The following AGBL3 variants were observed in gnomAD, a reference collection of about 807,000 sequenced individuals.
AGBL3 encodes the protein cytosolic carboxypeptidase 3.
Under a neutral mutation model 94.5 loss-of-function variants are expected in AGBL3, and 68 were observed. The observed-to-expected ratio is 0.72, with a 90% confidence interval of 0.59 to 0.88. The LOEUF is 0.88. Ranked by LOEUF, AGBL3 falls within the 40% of genes least tolerant of loss-of-function variation. The probability of loss-of-function intolerance (pLI) is 0.00; values close to 1 mark genes in which losing one functional copy is unlikely to be tolerated. For synonymous variants in AGBL3, 354 were observed against 370.7 expected (o/e 0.95, Z 0.52); for missense variants, 934 against 1,103.8 (o/e 0.85, Z 2.18).
rs1748655265 is a variant in AGBL3, at chr7:135,015,268, A to G, written c.311-1784A>G. 4.6e-5 allele frequency among the ~76,000 whole-genome samples: 7 copies of G among 152,190 alleles called. No homozygotes were observed. The South Asian group carries it at 1.4e-3, about 32-fold the overall frequency. On this transcript the variant is annotated intron_variant, in intron 4 of 16. Transcript: ENST00000436302. ...GCTTGCTCGAGAGTAGCTTTTTTGCAATGACGATATTGCCAGACATAAAAC... is the reference window on the plus strand; with the variant it reads ...GCTTGCTCGAGAGTAGCTTTTTTGCGATGACGATATTGCCAGACATAAAAC...
intron 5 of AGBL3, among the ~76,000 whole-genome samples, chr7:135,023,392 C>T (rs1814729368): frequency 6.6e-6 from 1 of 152,122 alleles, no homozygotes; most frequent in South Asian, 2.1e-4. Context: ...GGGGCTAGTT[C>T]CTACCCCTGA....
At chr7:135,043,367 G>A (rs1817048048) in intron 8 of AGBL3, among the ~76,000 whole-genome samples, 1 of 152,160 alleles carries the variant, frequency 6.6e-6, no homozygotes, top group Non-Finnish European at 1.5e-5. Context: ...AACTGTGCAT[G>A]TTCTCACTTA....
At chr7:135,094,440 A>C in intron 15 of AGBL3, 1 of 456,676 alleles carries the variant, frequency 2.2e-6, no homozygotes, top group Non-Finnish European at 4.4e-6. Context: ...ATTTTAACAA[A>C]TTGCCAGAGG....
At chr7:135,033,053 GT>G in intron 6 of AGBL3, 71 bp downstream of exon 6, 1 of 1,381,216 alleles carries the variant, frequency 7.2e-7, no homozygotes, top group Non-Finnish European at 9.6e-7. Flanking sequence ...GTACATTAAA[GT>G]TCTTAGTATC....
intron 5 of AGBL3, among the ~76,000 whole-genome samples, chr7:135,017,966 T>A (rs1375154952): frequency 6.6e-6 from 1 of 152,202 alleles, no homozygotes; most frequent in Non-Finnish European, 1.5e-5. Context: ...ATAACTGAAA[T>A]GAGATCTGAT....
chr7:135,027,514 T>A (rs1480645118), intron 5 of AGBL3, among the ~76,000 whole-genome samples: 1 of 151,660 alleles, frequency 6.6e-6, no homozygotes, highest in Non-Finnish European at 1.5e-5. Context: ...TCTGGCATCA[T>A]TGTTTTTTTA....
chr7:135,125,934 A>G (rs1274045457), intron 16 of AGBL3, among the ~76,000 whole-genome samples: 1 of 152,222 alleles, frequency 6.6e-6, no homozygotes, highest in Non-Finnish European at 1.5e-5. Flanking sequence ...TATAGCCAAT[A>G]TCATATTGAA....
chr7:135,121,676 T>C (rs577700483), intron 16 of AGBL3, among the ~76,000 whole-genome samples: 2 of 151,966 alleles, frequency 1.3e-5, no homozygotes, highest in Non-Finnish European at 1.5e-5. Flanking sequence ...ATTCGGAGGC[T>C]CCCATTGAAA....
intron 4 of AGBL3, among the ~76,000 whole-genome samples, chr7:135,014,153 G>A (rs1035590992): frequency 4.5e-5 from 6 of 134,152 alleles, no homozygotes; most frequent in African/African-American, 1.4e-4. Context: ...CTGAGATCAT[G>A]CCACTGCACT....
At chr7:135,051,739 T>C (rs750492423) in intron 11 of AGBL3, among the ~76,000 whole-genome samples, 2 of 152,148 alleles carry the variant, frequency 1.3e-5, no homozygotes, top group African/African-American at 4.8e-5. Context: ...CCTTCTCTTA[T>C]ACTGAAAAAA....
At chr7:135,017,316 G>A in intron 5 of AGBL3, 157 bp downstream of exon 5, 1 of 606,286 alleles carries the variant, frequency 1.6e-6, no homozygotes, top group Non-Finnish European at 2.9e-6. Flanking sequence ...TGTTGATTTA[G>A]AGCCAGTTAT....
chr7:135,007,193 A>G (rs1452077601), intron 4 of AGBL3, among the ~76,000 whole-genome samples: 1 of 151,914 alleles, frequency 6.6e-6, no homozygotes. Flanking sequence ...ATTCATCGCT[A>G]TGAGGCCAGT....
chr7:135,070,720 G>A (rs545908506), intron 12 of AGBL3, among the ~76,000 whole-genome samples: 26 of 151,310 alleles, frequency 1.7e-4, no homozygotes, highest in African/African-American at 5.6e-4. Context: ...TTGATGGGAC[G>A]TATCTCAAAA....
intron 16 of AGBL3, among the ~76,000 whole-genome samples, chr7:135,126,782 T>C (rs1827934730): frequency 6.6e-6 from 1 of 152,202 alleles, no homozygotes; most frequent in South Asian, 2.1e-4. Context: ...GATTCCCTGT[T>C]CAATAAGTGA....
intron 4 of AGBL3, among the ~76,000 whole-genome samples, chr7:135,014,890 C>T (rs1221261527): frequency 6.6e-6 from 1 of 152,186 alleles, no homozygotes; most frequent in East Asian, 1.9e-4. Context: ...AGTGTTTTTT[C>T]ACAGCTCGAG....
intron 5 of AGBL3, among the ~76,000 whole-genome samples, chr7:135,032,300 TTTTG>T (rs1400395628): frequency 6.6e-6 from 1 of 151,930 alleles, no homozygotes; most frequent in Non-Finnish European, 1.5e-5. Flanking sequence ...TTTTTTGTTT[TTTTG>T]TTTTTTTGTT....
At chr7:135,029,274 T>C (rs1354024919) in intron 5 of AGBL3, among the ~76,000 whole-genome samples, 2 of 152,242 alleles carry the variant, frequency 1.3e-5, no homozygotes, top group Admixed American at 6.5e-5. Context: ...AGATGTCATC[T>C]TCTTCCAATA....
intron 11 of AGBL3, among the ~76,000 whole-genome samples, chr7:135,052,545 T>C (rs1438104348): frequency 1.3e-5 from 2 of 152,088 alleles, no homozygotes; most frequent in East Asian, 1.9e-4. Flanking sequence ...TAGTGCCCAA[T>C]AGGTAGTTTT....
chr7:134,998,545 C>T (rs544089603), intron 4 of AGBL3, among the ~76,000 whole-genome samples: 1 of 152,292 alleles, frequency 6.6e-6, no homozygotes, highest in South Asian at 2.1e-4. Flanking sequence ...AGCCACTGTC[C>T]TGGTCTAGAT....
Sources: allele counts gnomAD v4.1 joint callset (sites outside exome capture counted in the v4.1 genomes callset), GRCh38; gene constraint gnomAD v4.1.1; transcripts MANE v1.5; gene names NCBI Gene and HGNC (gene_info 2026-07-23, HGNC 2026-07-21).